The following MACROD2 variants were observed in gnomAD, a reference collection of about 807,000 sequenced individuals.
MACROD2 encodes the protein ADP-ribose glycohydrolase MACROD2.
A neutral mutation model predicts 70.4 loss-of-function variants in MACROD2; 36 were observed. That is an observed-to-expected ratio of 0.51 (90% CI 0.39 to 0.68). MACROD2 has a LOEUF of 0.68. Ranked by LOEUF, MACROD2 falls within the 30% of genes least tolerant of loss-of-function variation. The pLI is 0.00. For missense variants in MACROD2, 496 were observed against 538.4 expected, an observed-to-expected ratio of 0.92 and a Z score of 0.78; for synonymous variants, 172 against 178.8, an observed-to-expected ratio of 0.96 and a Z score of 0.30.
chr20:15,584,226 C>T (rs542564427), intron 8 of MACROD2, among the ~76,000 whole-genome samples: 7 of 152,160 alleles, frequency 4.6e-5, no homozygotes, highest in Non-Finnish European at 7.4e-5. Flanking sequence ...GAGTGGGGGC[C>T]AGGTTTACAT....
At chr20:15,819,722 T>C (rs2063918989) in intron 8 of MACROD2, among the ~76,000 whole-genome samples, 1 of 151,830 alleles carries the variant, frequency 6.6e-6, no homozygotes, top group African/African-American at 2.4e-5. Flanking sequence ...AAAAAAAAGT[T>C]CAGATATTCA....
intron 6 of MACROD2, among the ~76,000 whole-genome samples, chr20:15,314,288 A>AG (rs932076881): frequency 7.9e-5 from 12 of 152,320 alleles, no homozygotes; most frequent in African/African-American, 2.6e-4. Context: ...AGAAAAAAAA[A>AG]AGGCAACTTT....
chr20:15,428,269 A>C (rs2046323958), intron 6 of MACROD2, among the ~76,000 whole-genome samples: 1 of 152,234 alleles, frequency 6.6e-6, no homozygotes, highest in Non-Finnish European at 1.5e-5. Flanking sequence ...TTGGAAGGAC[A>C]CCAAGATGTG....
intron 10 of MACROD2, among the ~76,000 whole-genome samples, chr20:15,905,829 G>C (rs555523129): frequency 6.6e-6 from 1 of 152,148 alleles, no homozygotes; most frequent in South Asian, 2.1e-4. Context: ...CTCTCCTAAT[G>C]CCTTGCTCAA....
intron 5 of MACROD2, among the ~76,000 whole-genome samples, chr20:15,199,402 G>A (rs2076636389): frequency 6.6e-6 from 1 of 152,002 alleles, no homozygotes; most frequent in African/African-American, 2.4e-5. Context: ...CTGTGTAAAT[G>A]TATGTATGTG....
At chr20:15,066,787 CAGG>C (rs1652690601) in intron 5 of MACROD2, among the ~76,000 whole-genome samples, 1 of 151,178 alleles carries the variant, frequency 6.6e-6, no homozygotes, top group East Asian at 2.0e-4. Context: ...GAGGCTGAGG[CAGG>C]AGAATCGCTT....
rs1235363915 is a variant in MACROD2 at position 15,636,099 on chromosome 20, AAAG to A, written c.645+136255_645+136257del. ...AAGAAAAAAAAAAAAAAAAGAAAGA[AAAG>A]AAAAGAAAAAAGAAAAGGAAAAAGA... On this transcript the variant is annotated intron_variant, in intron 8 of 17. Transcript: ENST00000684519. 1.5e-4 allele frequency among the ~76,000 whole-genome samples: 21 copies of A among 140,138 alleles called. No individual in the cohort carries two copies. In the South Asian group the frequency reaches 4.7e-3, roughly 32 times the overall value. The allele number at this position is 140,138 out of a possible 152,430, so 91.9% of individuals were successfully genotyped here. A position where few individuals can be genotyped will look rare whatever the true frequency, so the allele number is the denominator to read the frequency against.
intron 8 of MACROD2, among the ~76,000 whole-genome samples, chr20:15,856,262 G>A (rs2064355500): frequency 1.3e-5 from 2 of 152,072 alleles, no homozygotes; most frequent in Admixed American, 1.3e-4. Flanking sequence ...CTAGTTTAGA[G>A]GGCATCATTG....
intron 5 of MACROD2, among the ~76,000 whole-genome samples, chr20:15,217,181 T>C (rs2076817660): frequency 6.6e-6 from 1 of 152,146 alleles, no homozygotes; most frequent in African/African-American, 2.4e-5. Flanking sequence ...TGTATAATCA[T>C]GAACTTTGAG....
At chr20:14,421,104 A>G (rs912621664) in intron 3 of MACROD2, among the ~76,000 whole-genome samples, 1 of 152,182 alleles carries the variant, frequency 6.6e-6, no homozygotes, top group Non-Finnish European at 1.5e-5. Context: ...TATGTTGCTG[A>G]ATTTATATTG....
At chr20:14,023,502 T>G (rs938268239) in intron 2 of MACROD2, among the ~76,000 whole-genome samples, 1 of 152,324 alleles carries the variant, frequency 6.6e-6, no homozygotes, top group East Asian at 1.9e-4. Context: ...GGTATTCTTC[T>G]AGGTTTTATT....
At chr20:15,626,006 C>A (rs1223470598) in intron 8 of MACROD2, among the ~76,000 whole-genome samples, 1 of 150,572 alleles carries the variant, frequency 6.6e-6, no homozygotes, top group African/African-American at 2.4e-5. Flanking sequence ...GGTCAGGCAT[C>A]TGCTCTTGGG....
chr20:14,379,648 C>T (rs2083403781), intron 3 of MACROD2, among the ~76,000 whole-genome samples: 1 of 152,058 alleles, frequency 6.6e-6, no homozygotes, highest in Admixed American at 6.6e-5. Flanking sequence ...AATCTCTAAT[C>T]TACTTTCTGT....
chr20:14,376,177 A>T (rs1287765933), intron 3 of MACROD2, among the ~76,000 whole-genome samples: 2 of 152,214 alleles, frequency 1.3e-5, no homozygotes, highest in Non-Finnish European at 2.9e-5. Context: ...TATCAAAAAT[A>T]TATGAAATTG....
intron 3 of MACROD2, chr20:14,327,327 A>C (rs1241654294): frequency 6.2e-7 from 1 of 1,613,714 alleles, no homozygotes; most frequent in Non-Finnish European, 8.5e-7. Context: ...AGAGAGTTGT[A>C]GCATCCTCTG....
At chr20:15,635,230 G>A (rs2049345657) in intron 8 of MACROD2, among the ~76,000 whole-genome samples, 1 of 152,190 alleles carries the variant, frequency 6.6e-6, no homozygotes, top group Non-Finnish European at 1.5e-5. Context: ...TAAATGAAGA[G>A]TTATAGTTTA....
chr20:15,574,577 C>T (rs1260283333), intron 8 of MACROD2, among the ~76,000 whole-genome samples: 4 of 152,080 alleles, frequency 2.6e-5, no homozygotes, highest in East Asian at 1.9e-4. Flanking sequence ...TTTTAGCTCT[C>T]GCAATTGGGA....
At chr20:15,863,694 G>C (rs1242283073) in intron 9 of MACROD2, among the ~76,000 whole-genome samples, 1 of 152,174 alleles carries the variant, frequency 6.6e-6, no homozygotes, top group Non-Finnish European at 1.5e-5. Context: ...AGGTGACTCT[G>C]GCAGGTGGGA....
chr20:14,530,276 A>T (rs2085286259), intron 4 of MACROD2, among the ~76,000 whole-genome samples: 1 of 152,210 alleles, frequency 6.6e-6, no homozygotes. Context: ...TAAAAGTCCC[A>T]GGGAACTGAT....
Sources: gnomAD v4.1 joint callset for allele counts (sites outside exome capture counted in the v4.1 genomes callset) on GRCh38, gnomAD v4.1.1 for gene constraint, MANE v1.5 for transcripts, NCBI Gene and HGNC (gene_info 2026-07-23, HGNC 2026-07-21) for gene names.